The following RTF2 variants were observed in gnomAD, a reference collection of about 807,000 sequenced individuals.
RTF2 encodes UPF0549 protein C20orf43.
RTF2 carries 18 observed loss-of-function variants against 38.0 expected under a neutral mutation model. The observed-to-expected ratio is 0.47, with a 90% CI of 0.33 to 0.70. RTF2 has a LOEUF of 0.70. Among genes scored for constraint, RTF2 ranks in the 30% least tolerant of loss-of-function variants. RTF2 has a pLI of 0.02. For synonymous variants in RTF2, 126 were observed against 137.1 expected, an observed-to-expected ratio of 0.92 and a Z score of 0.57; for missense variants, 311 against 379.6, an observed-to-expected ratio of 0.82 and a Z score of 1.50.
intron 5 of RTF2, among the ~76,000 whole-genome samples, chr20:56,509,246 C>T (rs1337619533): frequency 6.6e-6 from 1 of 152,132 alleles, no homozygotes; most frequent in Non-Finnish European, 1.5e-5. Context: ...AGATGCTTAA[C>T]ATCTCTGGTC....
At chr20:56,481,629 A>C (rs1249001631) in intron 4 of RTF2, among the ~76,000 whole-genome samples, 3 of 139,034 alleles carry the variant, frequency 2.2e-5, no homozygotes, top group Non-Finnish European at 4.4e-5. Context: ...ATACACACAC[A>C]TATACACACA....
chr20:56,477,072 C>T lies in RTF2; in HGVS notation c.346C>T (p.Arg116Trp), dbSNP rs762651242. ...TKGDKHDDLQ[R>W]ARFICPVVGL... ...AGGTGACAAGCACGATGACCTCCAG[C>T]GGGCGCGTTTCATCTGCCCCGTTGT... The change falls in exon 4 of 9, where the codon CGG becomes TGG. Residue 116 changes from arginine (R) to tryptophan (W), a missense_variant. Arg to Trp is a moderately radical substitution (Grantham distance 101). Transcript: ENST00000357348. 7.4e-6 allele frequency: 12 copies of T among 1,613,990 alleles called. No individual in the cohort carries two copies. Among genetic ancestry groups the T allele is most frequent in the Admixed American group, 5.0e-5 (3 of 59,988 alleles).
chr20:56,517,861 C>T (rs193038029), intron 8 of RTF2, among the ~76,000 whole-genome samples: 37 of 152,248 alleles, frequency 2.4e-4, no homozygotes, highest in Non-Finnish European at 5.0e-4. Context: ...AAGTCATTCA[C>T]GGGGCTGGGA....
At chr20:56,491,238 C>T (rs1331588516) in intron 5 of RTF2, among the ~76,000 whole-genome samples, 3 of 152,138 alleles carry the variant, frequency 2.0e-5, no homozygotes, top group East Asian at 1.9e-4. Context: ...CAGGCTGTGT[C>T]GTTCTTATTC....
intron 5 of RTF2, among the ~76,000 whole-genome samples, chr20:56,509,783 T>A (rs1411027814): frequency 6.6e-6 from 1 of 152,174 alleles, no homozygotes; most frequent in Non-Finnish European, 1.5e-5. Context: ...TTATGGCCAG[T>A]CATCCCAATC....
At chr20:56,474,530 G>A (rs1207328640) in intron 2 of RTF2, 148 bp from the exon 3 acceptor site, 1 of 515,092 alleles carries the variant, frequency 1.9e-6, no homozygotes, top group African/African-American at 1.9e-5. Context: ...GGAAATAGTT[G>A]AAACAGGGTT....
At chr20:56,512,411 GATTAGTGCC>G (rs1445302829) in intron 5 of RTF2, among the ~76,000 whole-genome samples, 3 of 152,202 alleles carry the variant, frequency 2.0e-5, no homozygotes, top group Non-Finnish European at 2.9e-5. Context: ...TCCAGGTCAT[GATTAGTGCC>G]ATGGAGCCAA....
At position 56,517,211 on chromosome 20, in the gene RTF2, G is replaced by A. The variant is rs116176038; in HGVS notation, c.742+10G>A. On this transcript the variant is annotated intron_variant, in intron 8 of 8. Transcript: ENST00000357348. ...GCTCCCAAAAGCACAGGTGGGTCCT[G>A]TTGTAGCTACAGGGAGCTGTTTCGA... 7.5e-6 allele frequency: 12 copies of A among 1,610,710 alleles called. No homozygotes were observed. In the African/African-American group the frequency reaches 1.2e-4, roughly 16 times the overall value.
intron 4 of RTF2, among the ~76,000 whole-genome samples, chr20:56,479,966 A>G (rs1982446286): frequency 1.3e-5 from 2 of 151,904 alleles, no homozygotes; most frequent in African/African-American, 4.8e-5. Context: ...ATTCTTAAGA[A>G]CCCTAGGGTT....
intron 4 of RTF2, among the ~76,000 whole-genome samples, chr20:56,481,995 C>T (rs1982549684): frequency 6.6e-6 from 1 of 152,138 alleles, no homozygotes; most frequent in Non-Finnish European, 1.5e-5. Flanking sequence ...AGTAGGAGTC[C>T]CCTGCAGCCT....
In RTF2 at chr20:56,490,440, G is replaced by A. The variant is rs551735558; in HGVS notation, c.477+6251G>A. Among the ~76,000 whole-genome samples the A allele has an allele frequency of 2.0e-5, 3 of 152,346 alleles. No individual in the cohort carries two copies. In the South Asian group the frequency reaches 6.2e-4, roughly 32 times the overall value. ...TTTCTAAGGGAGGAGACCCAGATCTGTGAATAGAGATAATCATGGCCATTC... is the reference window on the plus strand; with the variant it reads ...TTTCTAAGGGAGGAGACCCAGATCTATGAATAGAGATAATCATGGCCATTC... On this transcript the variant is annotated intron_variant, in intron 5 of 8. Transcript: ENST00000357348.
chr20:56,475,697 G>A (rs1209675350), intron 3 of RTF2, among the ~76,000 whole-genome samples: 1 of 152,042 alleles, frequency 6.6e-6, no homozygotes, highest in Non-Finnish European at 1.5e-5. Flanking sequence ...CATGTAAGAT[G>A]TGCCTCTCTC....
intron 6 of RTF2, 31 bp downstream of exon 6, chr20:56,513,459 C>T: frequency 6.4e-7 from 1 of 1,557,090 alleles, no homozygotes; most frequent in Non-Finnish European, 8.7e-7. Context: ...CCGCCCAGCC[C>T]CCATCTCTGC....
At chr20:56,477,260 A>G (rs1982302527) in intron 4 of RTF2, 136 bp downstream of exon 4, 1 of 952,058 alleles carries the variant, frequency 1.1e-6, no homozygotes, top group African/African-American at 1.7e-5. Flanking sequence ...CTTGGAGGAA[A>G]TGGTGCTTGG....
chr20:56,485,884 G>A (rs1043723512), intron 5 of RTF2, among the ~76,000 whole-genome samples: 1 of 152,182 alleles, frequency 6.6e-6, no homozygotes, highest in Admixed American at 6.5e-5. Context: ...TGCTTTTTGA[G>A]GCCAGGTACC....
chr20:56,480,802 A>T (rs1160346215), intron 4 of RTF2, among the ~76,000 whole-genome samples: 2 of 152,214 alleles, frequency 1.3e-5, no homozygotes, highest in Non-Finnish European at 2.9e-5. Context: ...AGCAGTCAAA[A>T]CACACACATT....
At chr20:56,515,591 G>GACAC (rs1984976612) in intron 6 of RTF2, 1 of 95,618 alleles carries the variant, frequency 1.0e-5, no homozygotes, top group Non-Finnish European at 2.1e-5. Context: ...GAGAGAGAGA[G>GACAC]AGAGAGAGAC....
At chr20:56,511,057 G>T (rs542116434) in intron 5 of RTF2, among the ~76,000 whole-genome samples, 3 of 152,170 alleles carry the variant, frequency 2.0e-5, no homozygotes, top group East Asian at 3.9e-4. Flanking sequence ...ATTGTTTTTT[G>T]TTGTTGTTGT....
At chr20:56,501,755 C>T (rs1208083505) in intron 5 of RTF2, among the ~76,000 whole-genome samples, 2 of 152,134 alleles carry the variant, frequency 1.3e-5, no homozygotes, top group African/African-American at 4.8e-5. Flanking sequence ...GTGGTCTCAG[C>T]TACTCAGGAG....
Sources: gnomAD v4.1 joint callset for allele counts (sites outside exome capture counted in the v4.1 genomes callset) on GRCh38, gnomAD v4.1.1 for gene constraint, MANE v1.5 for transcripts, NCBI Gene and HGNC (gene_info 2026-07-23, HGNC 2026-07-21) for gene names.